Variants in FANCM observed in about 807,000 individuals in gnomAD.
FANCM encodes FA complementation group M.
Under a neutral mutation model 199.5 loss-of-function variants are expected in FANCM, and 140 were observed. The ratio of observed to expected loss-of-function variants is 0.70; its 90% CI spans 0.61 to 0.81. The LOEUF is 0.81. FANCM is among the 30% of genes least tolerant of loss of function. The pLI is 0.00. For missense variants in FANCM, 2,410 were observed against 2,421.4 expected (o/e 1.00, Z 0.10); for synonymous variants, 840 against 836.8 (o/e 1.00, Z -0.07).
At chr14:45,183,609 A>G (rs1054276464) in intron 16 of FANCM, among the ~76,000 whole-genome samples, 165 bp from the exon 17 acceptor site, 6 of 152,164 alleles carry the variant, frequency 3.9e-5, no homozygotes, top group Admixed American at 2.6e-4. Context: ...CTAATTTAGT[A>G]TTTTAGCATT....
chr14:45,155,353 A>G lies in FANCM; in HGVS notation c.1310-20A>G, dbSNP rs1401211959. ...TGGAAAAAAACAGAAAAAAATTTTG[A>G]TATTTTTGTTTTGTTCCAGGAGATA... On this transcript the variant is annotated intron_variant, in intron 7 of 22. Transcript: ENST00000267430. 2 of 1,072,934 alleles carry G rather than the reference A, an allele frequency of 1.9e-6. No individual in the cohort carries two copies. The highest frequency in any genetic ancestry group is 1.3e-5 in the South Asian group (1 of 77,096). 66.5% of individuals were successfully genotyped at this position (1,072,934 alleles called of 1,614,324 possible). A position where few individuals can be genotyped will look rare whatever the true frequency, so the allele number is the denominator to read the frequency against.
At chr14:45,183,968 T>G in intron 17 of FANCM, 66 bp downstream of exon 17, 3 of 1,204,780 alleles carry the variant, frequency 2.5e-6, no homozygotes, top group Non-Finnish European at 3.6e-6. Flanking sequence ...TGGTTTTACA[T>G]CAATGTAGAT....
chr14:45,146,140 C>T (rs1419510127), intron 3 of FANCM, among the ~76,000 whole-genome samples: 1 of 144,272 alleles, frequency 6.9e-6, no homozygotes, highest in Non-Finnish European at 1.5e-5. Flanking sequence ...ACTCGGGAGG[C>T]TGAGGCAGGA....
chr14:45,157,917 T>G (rs1399713484), intron 8 of FANCM, among the ~76,000 whole-genome samples: 1 of 152,004 alleles, frequency 6.6e-6, no homozygotes, highest in Non-Finnish European at 1.5e-5. Flanking sequence ...TCAGTAGAGG[T>G]TGGATGTCGT....
chr14:45,195,521 C>T (rs2139316659), intron 20 of FANCM: 1 of 456,432 alleles, frequency 2.2e-6, no homozygotes, highest in South Asian at 1.5e-5. Context: ...ATGCCCTCTG[C>T]CTCTGCAAAA....
intron 2 of FANCM, among the ~76,000 whole-genome samples, chr14:45,138,606 AAAATG>A (rs1211775583): frequency 6.6e-6 from 1 of 152,208 alleles, no homozygotes; most frequent in Non-Finnish European, 1.5e-5. Context: ...TGTGTCTACA[AAAATG>A]AAATGAAATA....
intron 20 of FANCM, among the ~76,000 whole-genome samples, chr14:45,194,258 C>T (rs994519956): frequency 1.3e-5 from 2 of 149,894 alleles, no homozygotes; most frequent in Non-Finnish European, 3.0e-5. Context: ...GCTGAGACTG[C>T]ACCATTGCAC....
intron 22 of FANCM, 152 bp downstream of exon 22, chr14:45,199,087 T>C: frequency 1.6e-6 from 1 of 635,550 alleles, no homozygotes; most frequent in Non-Finnish European, 2.7e-6. Context: ...ATATATTAGT[T>C]ACTGTATGAA....
chr14:45,138,771 C>G (rs1885706737), intron 2 of FANCM, among the ~76,000 whole-genome samples: 1 of 152,030 alleles, frequency 6.6e-6, no homozygotes, highest in Non-Finnish European at 1.5e-5. Flanking sequence ...CATGCATTGA[C>G]TTCATTAATA....
Position 45,139,921 on chromosome 14 carries a change from G to T in FANCM, c.682-711G>T, listed in dbSNP as rs181419315. 5.9e-5 allele frequency among the ~76,000 whole-genome samples: 9 copies of T among 152,196 alleles called. No homozygotes were observed. The East Asian group carries it at 1.5e-3, about 26-fold the overall frequency. ...GATCACTTGAGCCCCAGAGGTTGAGGCTACAGTGAGCTATGATGGATGGCA... is the reference window on the plus strand; with the variant it reads ...GATCACTTGAGCCCCAGAGGTTGAGTCTACAGTGAGCTATGATGGATGGCA... On this transcript the variant is annotated intron_variant, in intron 2 of 22. Transcript: ENST00000267430.
chr14:45,169,830 C>G (rs1393571645), intron 11 of FANCM, among the ~76,000 whole-genome samples: 2 of 152,158 alleles, frequency 1.3e-5, no homozygotes, highest in Non-Finnish European at 2.9e-5. Context: ...AATGAATATA[C>G]TATACATATT....
At chr14:45,155,528 G>T in intron 8 of FANCM, 69 bp downstream of exon 8, 3 of 830,888 alleles carry the variant, frequency 3.6e-6, no homozygotes, top group Non-Finnish European at 6.2e-6. Context: ...ACTTATGGCT[G>T]GGTGCAGTGG....
intron 4 of FANCM, among the ~76,000 whole-genome samples, chr14:45,149,285 G>GCACACA (rs147489712): frequency 3.2e-4 from 47 of 148,076 alleles, no homozygotes; most frequent in African/African-American, 9.7e-4. Context: ...TATAGAACAT[G>GCACACA]CACACACACA....
chr14:45,136,511 C>A lies in FANCM; in HGVS notation c.480C>A (p.Ile160=), dbSNP rs753171718. ...AGGCTTGCTACCAGGTGATGGGTATCCCGCAATCCCACATGGCCGAAATGA... is the reference window on the plus strand; with the variant it reads ...AGGCTTGCTACCAGGTGATGGGTATACCGCAATCCCACATGGCCGAAATGA... ...QIEACYQVMG[I]PQSHMAEMTG... Residue 160 remains isoleucine (I), a synonymous_variant, in exon 1 of 23, where the codon ATC becomes ATA. Coordinates refer to ENST00000267430, the MANE Select transcript of FANCM (RefSeq NM_020937.4). 1 of 1,614,002 alleles carries A rather than the reference C, an allele frequency of 6.2e-7. No homozygotes were observed. The highest frequency in any genetic ancestry group is 1.1e-5 in the South Asian group (1 of 91,080).
intron 10 of FANCM, among the ~76,000 whole-genome samples, chr14:45,166,213 C>G (rs931879293): frequency 6.6e-6 from 1 of 151,766 alleles, no homozygotes; most frequent in Non-Finnish European, 1.5e-5. Context: ...CTCACTGCAA[C>G]CTCCATCTCC....
chr14:45,191,637 C>T (rs1483991976), intron 20 of FANCM, among the ~76,000 whole-genome samples: 1 of 152,108 alleles, frequency 6.6e-6, no homozygotes, highest in African/African-American at 2.4e-5. Flanking sequence ...ATCAGTAGGG[C>T]TTAGTGGAAA....
chr14:45,196,874 A>G (rs1484766497), intron 21 of FANCM, among the ~76,000 whole-genome samples: 1 of 152,248 alleles, frequency 6.6e-6, no homozygotes, highest in Non-Finnish European at 1.5e-5. Flanking sequence ...AGTCAGGATT[A>G]GCAAGAGTTG....
intron 12 of FANCM, among the ~76,000 whole-genome samples, chr14:45,171,420 T>G (rs568739816): frequency 6.6e-6 from 1 of 152,208 alleles, no homozygotes; most frequent in Admixed American, 6.5e-5. Flanking sequence ...TTGGTGCACA[T>G]CATCCGAGCA....
At chr14:45,163,757 T>C (rs1350638339) in intron 9 of FANCM, among the ~76,000 whole-genome samples, 1 of 152,206 alleles carries the variant, frequency 6.6e-6, no homozygotes, top group African/African-American at 2.4e-5. Context: ...CCCCTTTCTG[T>C]GGTGCTAAAA....
Sources: gnomAD v4.1 joint callset for allele counts (sites outside exome capture counted in the v4.1 genomes callset) on GRCh38, gnomAD v4.1.1 for gene constraint, MANE v1.5 for transcripts, NCBI Gene and HGNC (gene_info 2026-07-23, HGNC 2026-07-21) for gene names.